NSF: variants seen among roughly 807,000 people sequenced by gnomAD.
NSF encodes the protein N-ethylmaleimide sensitive factor, vesicle fusing ATPase, also known as vesicle-fusing ATPase.
A neutral mutation model predicts 50.3 loss-of-function variants in NSF; 14 were observed. The ratio of observed to expected loss-of-function variants is 0.28; its 90% CI spans 0.18 to 0.44. The LOEUF (loss-of-function observed/expected upper bound fraction) is 0.44. Among genes scored for constraint, NSF ranks in the 20% least tolerant of loss-of-function variants. The pLI, the probability that NSF is intolerant of heterozygous loss-of-function variation, is 1.00. For missense variants in NSF, 218 were observed against 504.3 expected (o/e 0.43, Z 5.44); for synonymous variants, 109 against 175.7 (o/e 0.62, Z 3.00).
At chr17:46,713,772 C>A in intron 14 of NSF, 81 bp from the exon 15 acceptor site, 1 of 1,389,898 alleles carries the variant, frequency 7.2e-7, no homozygotes, top group Non-Finnish European at 9.9e-7. Flanking sequence ...TCAGTATGTT[C>A]TGGATAAAAG....
At chr17:46,666,239 AT>A (rs1446047562) in intron 8 of NSF, among the ~76,000 whole-genome samples, 1 of 36,710 alleles carries the variant, frequency 2.7e-5, no homozygotes, top group East Asian at 7.4e-4. Context: ...GCTTCTATGA[AT>A]GGGTACATGT....
intron 17 of NSF, among the ~76,000 whole-genome samples, chr17:46,749,005 A>AG (rs780955503): frequency 2.3e-4 from 35 of 152,202 alleles, no homozygotes; most frequent in Non-Finnish European, 4.4e-4. Flanking sequence ...TGGTGGGGGA[A>AG]GGGGGGTAGT....
intron 15 of NSF, 89 bp downstream of exon 15, chr17:46,714,075 T>C (rs2058744834): frequency 7.5e-7 from 1 of 1,340,880 alleles, no homozygotes; most frequent in African/African-American, 1.5e-5. Flanking sequence ...TGTATACATA[T>C]AAACCCATAG....
intron 4 of NSF, among the ~76,000 whole-genome samples, chr17:46,635,818 T>TGTGTGTGTGTGTGTGTGTGTGTGTGC (rs1208936942): frequency 2.2e-5 from 3 of 138,360 alleles, no homozygotes; most frequent in African/African-American, 8.0e-5. Flanking sequence ...TGTGTGTGTG[T>TGTGTGTGTGTGTGTGTGTGTGTGTGC]GCTCGTGTGT....
chr17:46,678,243 CTT>C (rs1386605538), intron 9 of NSF, among the ~76,000 whole-genome samples: 2 of 112,644 alleles, frequency 1.8e-5, no homozygotes, highest in Non-Finnish European at 3.6e-5. Flanking sequence ...CAGATACAGA[CTT>C]TTGAAATAAT....
chr17:46,749,835 G>C lies in NSF; in HGVS notation c.1971G>C (p.Met657Ile). 6.2e-7 allele frequency: 1 copy of C among 1,614,162 alleles called. No homozygotes were observed. Residue 657 changes from methionine (M) to isoleucine (I), a missense_variant, in exon 18 of 21, where the codon ATG becomes ATC. Around this residue, in one of 2 missense-constraint regions of NSF, gnomAD observed 209 missense variants for 320.9 expected, o/e 0.65. Transcript: ENST00000398238. ...SRKDVLQEME[M>I]LNAFSTTIHV... The stretch of plus-strand genomic sequence containing the variant: ...AAGATGTCCTTCAGGAGATGGAAAT[G>C]CTTAACGCTTTCAGCACCACCATCC...
chr17:46,608,833 A>G (rs2057976757), intron 1 of NSF, among the ~76,000 whole-genome samples: 1 of 151,656 alleles, frequency 6.6e-6, no homozygotes, highest in Non-Finnish European at 1.5e-5. Flanking sequence ...ATCTCAAGCG[A>G]TCCACCTGCC....
chr17:46,735,006 T>TA (rs2058986552), intron 17 of NSF, among the ~76,000 whole-genome samples: 1 of 152,302 alleles, frequency 6.6e-6, no homozygotes, highest in South Asian at 2.1e-4. Flanking sequence ...AGCTGATTCT[T>TA]ACCACCGCAC....
chr17:46,611,013 C>T (rs2058011992), intron 1 of NSF, among the ~76,000 whole-genome samples: 1 of 105,206 alleles, frequency 9.5e-6, no homozygotes, highest in Non-Finnish European at 1.7e-5. Context: ...AAAATTGGAA[C>T]TAATAAATGA....
At chr17:46,755,524 G>A (rs766625904) in intron 20 of NSF, 155 bp downstream of exon 20, 1 of 743,322 alleles carries the variant, frequency 1.3e-6, no homozygotes, top group Admixed American at 2.4e-5. Flanking sequence ...CAAGGAAGTT[G>A]GTTGTACTGT....
rs1268866215 is a variant in NSF at position 46,756,913 on chromosome 17, G to C, written c.*1090G>C. ...GAAGCACCCGTTGAGTCCTTTTGAGGGTGATTTGTCTTACAACTGACTGAC... is the reference window on the plus strand; with the variant it reads ...GAAGCACCCGTTGAGTCCTTTTGAGCGTGATTTGTCTTACAACTGACTGAC... On this transcript the variant is annotated 3_prime_UTR_variant, in exon 21 of 21. Coordinates refer to ENST00000398238, the MANE Select transcript of NSF (RefSeq NM_006178.4). 2.0e-5 allele frequency: 3 copies of C among 152,528 alleles called. No homozygotes were observed. The highest frequency in any genetic ancestry group is 4.4e-5 in the Non-Finnish European group (3 of 68,052). 9.4% of individuals were successfully genotyped at this position (152,528 alleles called of 1,614,324 possible). A position where few individuals can be genotyped will look rare whatever the true frequency, so the allele number is the denominator to read the frequency against.
At position 46,631,082 on chromosome 17, in the gene NSF, A is replaced by ACACACACACACACG. The variant is rs1555668594; in HGVS notation, c.238+645_238+646insGCACACACACACAC. ...TCTGTACACACACACACACACACACACACACACACACACACACACACACAT... is the reference window on the plus strand; with the variant it reads ...TCTGTACACACACACACACACACACACACACACACACACGCACACACACACACACACACACACAT... On this transcript the variant is annotated intron_variant, in intron 4 of 20. Coordinates refer to ENST00000398238, the MANE Select transcript of NSF (RefSeq NM_006178.4). Among the ~76,000 whole-genome samples the ACACACACACACACG allele has an allele frequency of 2.5e-4, 36 of 142,130 alleles. No homozygotes were observed. The East Asian group carries it at 4.7e-3, about 18-fold the overall frequency. The allele number at this position is 142,130 out of a possible 152,430, so 93.2% of individuals were successfully genotyped here.
chr17:46,714,596 C>G (rs532916892), intron 15 of NSF, among the ~76,000 whole-genome samples: 2 of 152,202 alleles, frequency 1.3e-5, no homozygotes, highest in Admixed American at 1.3e-4. Context: ...GACTGTAAGA[C>G]CATTTGGTCC....
At chr17:46,615,606 A>G (rs1398325932) in intron 1 of NSF, among the ~76,000 whole-genome samples, 1 of 13,650 alleles carries the variant, frequency 7.3e-5, no homozygotes, top group African/African-American at 5.4e-4. Flanking sequence ...AGCCTCAGCT[A>G]CTTGGGAGAC....
rs1307788350 is a variant in NSF, at chr17:46,713,896, A to G, written c.1671A>G (p.Ala557=). Residue 557 remains alanine (A), a synonymous_variant, in exon 15 of 21, where the codon GCA becomes GCG. Transcript: ENST00000398238. ...SGKTALAAKI[A]EESNFPFIKI... is the part of the protein sequence containing the mutation. ...AGACTGCTTTAGCTGCAAAAATTGC[A>G]GAGGAATCCAACTTCCCGTTCATCA... 6.2e-7 allele frequency: 1 copy of G among 1,612,806 alleles called. No homozygotes were observed. The highest frequency in any genetic ancestry group is 8.5e-7 in the Non-Finnish European group (1 of 1,179,672).
chr17:46,598,943 C>T (rs1397639097), intron 1 of NSF, among the ~76,000 whole-genome samples: 1 of 137,372 alleles, frequency 7.3e-6, no homozygotes, highest in African/African-American at 2.8e-5. Context: ...TTTTGTGTAT[C>T]GCTTTAGTGG....
At chr17:46,747,373 T>G (rs762472572) in intron 17 of NSF, among the ~76,000 whole-genome samples, 3 of 152,148 alleles carry the variant, frequency 2.0e-5, no homozygotes, top group Non-Finnish European at 4.4e-5. Context: ...CTCAAACTCC[T>G]TGGCTCAAGC....
intron 17 of NSF, among the ~76,000 whole-genome samples, chr17:46,741,463 A>C (rs1016732677): frequency 3.9e-5 from 6 of 152,178 alleles, no homozygotes; most frequent in Non-Finnish European, 7.3e-5. Flanking sequence ...GGTTACAAAG[A>C]AGTAGACTAA....
At chr17:46,737,699 G>T (rs901648572) in intron 17 of NSF, among the ~76,000 whole-genome samples, 30 of 151,968 alleles carry the variant, frequency 2.0e-4, no homozygotes, top group Non-Finnish European at 4.0e-4. Flanking sequence ...GGTTTTATAT[G>T]TTACGTGGTT....
Sources: allele counts gnomAD v4.1 joint callset (sites outside exome capture counted in the v4.1 genomes callset), GRCh38; gene constraint gnomAD v4.1.1; regional missense constraint gnomAD v4.1.1; transcripts MANE v1.5; gene names NCBI Gene and HGNC (gene_info 2026-07-23, HGNC 2026-07-21).